PCDHGC4: variants seen among roughly 807,000 people sequenced by gnomAD.
PCDHGC4 encodes protocadherin gamma-C4.
A neutral mutation model predicts 59.7 loss-of-function variants in PCDHGC4; 15 were observed. The ratio of observed to expected loss-of-function variants is 0.25; its 90% CI spans 0.17 to 0.39. PCDHGC4 has a LOEUF of 0.39. PCDHGC4 is among the 10% of genes least tolerant of loss of function. PCDHGC4 has a pLI of 1.00. For missense variants in PCDHGC4, 1,016 were observed against 1,189.5 expected (o/e 0.85, Z 2.15); for synonymous variants, 434 against 481.4 (o/e 0.90, Z 1.29).
rs1356654620 is a variant in PCDHGC4 at position 141,490,430 on chromosome 5, TTAA to T, written c.2442+2816_2442+2818del. On this transcript the variant is annotated intron_variant, in intron 1 of 3. Coordinates refer to ENST00000306593, the MANE Select transcript of PCDHGC4 (RefSeq NM_018928.3). The surrounding 1 kb of genome is among the most constrained non-coding windows in gnomAD (Gnocchi z 5.4). ...ATCTCTCCGGACCTGCCATTTCAGA[TTAA>T]GCCTTCTGAGAACCACTACTCGCTG... 1 of 1,614,162 alleles carries T rather than the reference TTAA, an allele frequency of 6.2e-7. No individual in the cohort carries two copies.
At position 141,491,422 on chromosome 5, in the gene PCDHGC4, G is replaced by T. The variant is rs1413549196; in HGVS notation, c.2443-3385G>T. 1 of 1,614,112 alleles carries T rather than the reference G, an allele frequency of 6.2e-7. No homozygotes were observed. The stretch of plus-strand genomic sequence containing the variant: ...AAACGCAGACGGGGACGGGGGTGGA[G>T]GGCAGTGCTGCAGGCGCCAGGACTC... On this transcript the variant is annotated intron_variant, in intron 1 of 3. Coordinates refer to ENST00000306593, the MANE Select transcript of PCDHGC4 (RefSeq NM_018928.3). The surrounding 1 kb of genome is among the most constrained non-coding windows in gnomAD (Gnocchi z 6.9).
chr5:141,508,026 T>A (rs972124070), intron 3 of PCDHGC4: 3 of 152,314 alleles, frequency 2.0e-5, no homozygotes, highest in African/African-American at 7.2e-5. Context: ...GGCTGCGGTT[T>A]GCAGCTCAGC....
intron 2 of PCDHGC4, among the ~76,000 whole-genome samples, chr5:141,497,076 C>T (rs1052240279): frequency 5.9e-5 from 9 of 151,826 alleles, no homozygotes; most frequent in Non-Finnish European, 8.8e-5. Context: ...GTAATCCCAG[C>T]GACTTAGGAG....
chr5:141,489,077 C>G lies in PCDHGC4; in HGVS notation c.2442+1462C>G, dbSNP rs957205894. On this transcript the variant is annotated intron_variant, in intron 1 of 3. Coordinates refer to ENST00000306593, the MANE Select transcript of PCDHGC4 (RefSeq NM_018928.3). The surrounding 1 kb of genome is among the most constrained non-coding windows in gnomAD (Gnocchi z 4.5). The stretch of plus-strand genomic sequence containing the variant: ...AGCTCCCCTCCCCCCTGCCCACCCC[C>G]GCCACTCGGTGACTAAGAACTGCTG... 7 of 325,684 alleles carry G rather than the reference C, an allele frequency of 2.1e-5. No homozygotes were observed. Among genetic ancestry groups the G allele is most frequent in the Non-Finnish European group, 3.9e-5 (7 of 181,468 alleles). The allele number at this position is 325,684 out of a possible 1,614,324, so 20.2% of individuals were successfully genotyped here.
In PCDHGC4 at chr5:141,485,870, C is replaced by A. The variant is rs745737454; in HGVS notation, c.697C>A (p.Leu233Met). Residue 233 changes from leucine to methionine, a missense_variant, in exon 1 of 4, where the codon CTG becomes ATG. By Grantham distance (15) the Leu-to-Met change is conservative. Coordinates refer to ENST00000306593, the MANE Select transcript of PCDHGC4 (RefSeq NM_018928.3). The surrounding 1 kb of genome is among the most constrained non-coding windows in gnomAD (Gnocchi z 5.7). ...CACCGCAGAGCTCCGGGTATCCGTGCTGGACGTAAACGACAACGCCCCAGC... is the reference window on the plus strand; with the variant it reads ...CACCGCAGAGCTCCGGGTATCCGTGATGGACGTAAACGACAACGCCCCAGC... ...SGTAELRVSV[L>M]DVNDNAPAFQ... 1 of 1,614,174 alleles carries A rather than the reference C, an allele frequency of 6.2e-7. No homozygotes were observed. Among genetic ancestry groups the A allele is most frequent in the Non-Finnish European group, 8.5e-7 (1 of 1,180,032 alleles).
chr5:141,488,128 G>T (rs1412334197), intron 1 of PCDHGC4, among the ~76,000 whole-genome samples: 1 of 152,226 alleles, frequency 6.6e-6, no homozygotes, highest in Non-Finnish European at 1.5e-5. Context: ...ACAGCAGAAA[G>T]AGGAGAGAAC....
Position 141,486,955 on chromosome 5 carries a change from T to A in PCDHGC4, c.1782T>A (p.Thr594=), listed in dbSNP as rs1459820579. 1.9e-6 allele frequency: 3 copies of A among 1,614,128 alleles called. No individual in the cohort carries two copies. The highest frequency in any genetic ancestry group is 2.5e-6 in the Non-Finnish European group (3 of 1,180,048). ...VGAGHLITKV[T]AVDLDSGYNA... ...CTGGCCACCTAATCACAAAGGTGACTGCTGTGGACTTGGATTCAGGTTACA... is the reference window on the plus strand; with the variant it reads ...CTGGCCACCTAATCACAAAGGTGACAGCTGTGGACTTGGATTCAGGTTACA... The change falls in exon 1 of 4, where the codon ACT becomes ACA. Residue 594 remains threonine, a synonymous_variant. Coordinates refer to ENST00000306593, the MANE Select transcript of PCDHGC4 (RefSeq NM_018928.3). This position sits in a 1 kb window ranked among gnomAD's most constrained non-coding sequence, Gnocchi z 5.0.
Position 141,491,797 on chromosome 5 carries a change from G to C in PCDHGC4, c.2443-3010G>C, listed in dbSNP as rs537755017. The C allele has an allele frequency of 7.9e-5, 119 of 1,506,700 alleles. No homozygotes were observed. In the Admixed American group the frequency reaches 1.4e-3, roughly 18 times the overall value. 93.3% of individuals were successfully genotyped at this position (1,506,700 alleles called of 1,614,324 possible). On this transcript the variant is annotated intron_variant, in intron 1 of 3. Coordinates refer to ENST00000306593, the MANE Select transcript of PCDHGC4 (RefSeq NM_018928.3). The surrounding 1 kb of genome is among the most constrained non-coding windows in gnomAD (Gnocchi z 6.9). The stretch of plus-strand genomic sequence containing the variant: ...ATTGAACTTGCATCCACTCCTCTCC[G>C]GCCGGCTTGGTCGCTGGCTGCGCTC...
chr5:141,494,468 C>G (rs2099754577), intron 1 of PCDHGC4, among the ~76,000 whole-genome samples: 1 of 152,136 alleles, frequency 6.6e-6, no homozygotes, highest in East Asian at 1.9e-4. Context: ...TGCACCTCTT[C>G]CCCCAGTTCC....
intron 2 of PCDHGC4, among the ~76,000 whole-genome samples, chr5:141,500,939 G>T (rs2099804123): frequency 6.6e-6 from 1 of 151,680 alleles, no homozygotes; most frequent in South Asian, 2.1e-4. Context: ...CGCCATCTCG[G>T]CTCACTGCAA....
Position 141,489,407 on chromosome 5 carries a change from T to C in PCDHGC4, c.2442+1792T>C. On this transcript the variant is annotated intron_variant, in intron 1 of 3. Transcript: ENST00000306593. This position sits in a 1 kb window ranked among gnomAD's most constrained non-coding sequence, Gnocchi z 4.5. ...GTTGCTCAGGATCTGGGCTTAAAGA[T>C]GACAGATCTGTTGAGCCGGCGGCTG... 6.2e-7 allele frequency: 1 copy of C among 1,614,140 alleles called. No individual in the cohort carries two copies.
Position 141,485,716 on chromosome 5 carries a change from T to C in PCDHGC4, c.543T>C (p.Asp181=). Reference sequence around the variant, plus strand: ...GCTCCAATGAACACTTTGCACTGGATGTGAAGAAGCGCAGCGACGGCAGCC... The same window carrying C: ...GCTCCAATGAACACTTTGCACTGGACGTGAAGAAGCGCAGCGACGGCAGCC... ...RLSSNEHFAL[D]VKKRSDGSLV... The change falls in exon 1 of 4, where the codon GAT becomes GAC. Residue 181 remains aspartate (D), a synonymous_variant. Coordinates refer to ENST00000306593, the MANE Select transcript of PCDHGC4 (RefSeq NM_018928.3). The surrounding 1 kb of genome is among the most constrained non-coding windows in gnomAD (Gnocchi z 5.7). The C allele has an allele frequency of 6.2e-7, 1 of 1,614,044 alleles. No individual in the cohort carries two copies. Among genetic ancestry groups the C allele is most frequent in the Non-Finnish European group, 8.5e-7 (1 of 1,180,002 alleles).
At position 141,502,499 on chromosome 5, in the gene PCDHGC4, C is replaced by T. The variant is rs552402476; in HGVS notation, c.2502-2894C>T. ...CATCACACTGGGACTCATCTAACGT[C>T]GGCCTGTCCCACTATCAGTGATGCC... On this transcript the variant is annotated intron_variant, in intron 2 of 3. Coordinates refer to ENST00000306593, the MANE Select transcript of PCDHGC4 (RefSeq NM_018928.3). Among the ~76,000 whole-genome samples, 24 of 152,240 alleles carry T rather than the reference C, an allele frequency of 1.6e-4. No homozygotes were observed. In the East Asian group the frequency reaches 4.1e-3, roughly 26 times the overall value.
At position 141,489,318 on chromosome 5, in the gene PCDHGC4, G is replaced by T; in HGVS notation, c.2442+1703G>T. On this transcript the variant is annotated intron_variant, in intron 1 of 3. Coordinates refer to ENST00000306593, the MANE Select transcript of PCDHGC4 (RefSeq NM_018928.3). The surrounding 1 kb of genome is among the most constrained non-coding windows in gnomAD (Gnocchi z 4.5). ...TGTTGTCCTTGTGCTGCTGGGGCTG[G>T]GTGTCTGGGCAGCTTCGTTACTCAG... The T allele has an allele frequency of 6.3e-7, 1 of 1,599,092 alleles. No homozygotes were observed. Among genetic ancestry groups the T allele is most frequent in the Non-Finnish European group, 8.5e-7 (1 of 1,171,660 alleles).
chr5:141,485,314 T>G lies in PCDHGC4; in HGVS notation c.141T>G (p.Asn47Lys). Reference sequence around the variant, plus strand: ...CACAGGAAGGGACTTTTGTAGGGAATGTCGCTCAAGATTTCCTGCTGGATA... The same window carrying G: ...CACAGGAAGGGACTTTTGTAGGGAAGGTCGCTCAAGATTTCCTGCTGGATA... ...EESQEGTFVG[N>K]VAQDFLLDTD... The change falls in exon 1 of 4, where the codon AAT becomes AAG. Residue 47 changes from asparagine to lysine, a missense_variant. Coordinates refer to ENST00000306593, the MANE Select transcript of PCDHGC4 (RefSeq NM_018928.3). This position sits in a 1 kb window ranked among gnomAD's most constrained non-coding sequence, Gnocchi z 5.7. 1 of 1,614,150 alleles carries G rather than the reference T, an allele frequency of 6.2e-7. No individual in the cohort carries two copies. The highest frequency in any genetic ancestry group is 8.5e-7 in the Non-Finnish European group (1 of 1,180,032).
At position 141,494,787 on chromosome 5, in the gene PCDHGC4, T is replaced by G. The variant is rs763990551; in HGVS notation, c.2443-20T>G. The G allele has an allele frequency of 6.2e-7, 1 of 1,614,044 alleles. No individual in the cohort carries two copies. Among genetic ancestry groups the G allele is most frequent in the Non-Finnish European group, 8.5e-7 (1 of 1,179,990 alleles). On this transcript the variant is annotated intron_variant, in intron 1 of 3. Transcript: ENST00000306593. ...ACTTCTCACGGGTACTCAGCCCCTT[T>G]CCCTCTGTTTTCTCCACAGCAAGCC...
rs201424832 is a variant in PCDHGC4 at position 141,490,802 on chromosome 5, C to T, written c.2442+3187C>T. On this transcript the variant is annotated intron_variant, in intron 1 of 3. Transcript: ENST00000306593. This position sits in a 1 kb window ranked among gnomAD's most constrained non-coding sequence, Gnocchi z 5.4. Reference sequence around the variant, plus strand: ...GATGGACGGATCTTTGCCCAGCGTACCTTTGACTATGAATTGCTGCAGATG... The same window carrying T: ...GATGGACGGATCTTTGCCCAGCGTATCTTTGACTATGAATTGCTGCAGATG... 1 of 1,613,944 alleles carries T rather than the reference C, an allele frequency of 6.2e-7. No homozygotes were observed. Among genetic ancestry groups the T allele is most frequent in the East Asian group, 2.2e-5 (1 of 44,886 alleles).
At position 141,485,120 on chromosome 5, in the gene PCDHGC4, G is replaced by A. The variant is rs2099607447; in HGVS notation, c.-54G>A. On this transcript the variant is annotated 5_prime_UTR_variant, in exon 1 of 4. Coordinates refer to ENST00000306593, the MANE Select transcript of PCDHGC4 (RefSeq NM_018928.3). The surrounding 1 kb of genome is among the most constrained non-coding windows in gnomAD (Gnocchi z 5.7). ...TCCAGCTGCTGTGGCTGTTTGGGGC[G>A]GGTCGGCTTCATCCGCGTCTCAGGA... The A allele has an allele frequency of 1.5e-6, 2 of 1,348,050 alleles. No homozygotes were observed. Among genetic ancestry groups the A allele is most frequent in the Non-Finnish European group, 2.1e-6 (2 of 952,710 alleles). 83.5% of individuals were successfully genotyped at this position (1,348,050 alleles called of 1,614,324 possible).
rs2099745754 is a variant in PCDHGC4 at position 141,493,023 on chromosome 5, T to A, written c.2443-1784T>A. Among the ~76,000 whole-genome samples the A allele has an allele frequency of 6.6e-6, 1 of 152,190 alleles. No individual in the cohort carries two copies. The highest frequency in any genetic ancestry group is 2.4e-5 in the African/African-American group (1 of 41,450). On this transcript the variant is annotated intron_variant, in intron 1 of 3. Coordinates refer to ENST00000306593, the MANE Select transcript of PCDHGC4 (RefSeq NM_018928.3). The surrounding 1 kb of genome is among the most constrained non-coding windows in gnomAD (Gnocchi z 4.3). ...CTATAGGCTCTGCCAGATGCCAGGGTGCCCTTATGTGTGAGGAAACTACAA... is the reference window on the plus strand; with the variant it reads ...CTATAGGCTCTGCCAGATGCCAGGGAGCCCTTATGTGTGAGGAAACTACAA...
Sources: gnomAD v4.1 joint callset for allele counts (sites outside exome capture counted in the v4.1 genomes callset) on GRCh38, gnomAD v4.1.1 for gene constraint, Gnocchi (gnomAD v3.1) non-coding constraint, MANE v1.5 for transcripts, NCBI Gene and HGNC (gene_info 2026-07-23, HGNC 2026-07-21) for gene names.